PRKN: variants seen among roughly 807,000 people sequenced by gnomAD.
PRKN encodes E3 ubiquitin-protein ligase parkin.
Under a neutral mutation model 59.5 loss-of-function variants are expected in PRKN, and 56 were observed. The observed-to-expected ratio is 0.94, with a 90% CI of 0.76 to 1.18. The LOEUF is 1.18. Among genes scored for constraint, PRKN ranks in the 50% most tolerant of loss-of-function variants. PRKN has a pLI of 0.00. For synonymous variants in PRKN, 250 were observed against 222.1 expected (o/e 1.13, Z -1.12); for missense variants, 657 against 596.4 (o/e 1.10, Z -1.06).
intron 7 of PRKN, among the ~76,000 whole-genome samples, chr6:161,683,592 G>T (rs1187556340): frequency 6.6e-6 from 1 of 152,198 alleles, no homozygotes; most frequent in Non-Finnish European, 1.5e-5. Context: ...GGCAGCACCT[G>T]AACGCTTGTA....
intron 6 of PRKN, among the ~76,000 whole-genome samples, chr6:161,794,495 G>C (rs1449337852): frequency 6.6e-6 from 1 of 152,082 alleles, no homozygotes; most frequent in East Asian, 1.9e-4. Context: ...CAGCAACACT[G>C]TTCTAAAGAG....
chr6:162,184,544 C>T (rs949396300), intron 4 of PRKN, among the ~76,000 whole-genome samples: 1 of 152,166 alleles, frequency 6.6e-6, no homozygotes, highest in Non-Finnish European at 1.5e-5. Context: ...CATTTCTTCT[C>T]TCTCTTGCTG....
At chr6:162,445,689 TAAAAAAAAAAAAAAAAAAAAAAAAAA>T (rs71004091) in intron 1 of PRKN, among the ~76,000 whole-genome samples, 2 of 28,730 alleles carry the variant, frequency 7.0e-5, no homozygotes, top group African/African-American at 1.8e-4. Flanking sequence ...AGACCTTGTC[TAAAAAAAAAAAAAAAAAAAAAAAAAA>T]AAAAAAAAAA....
chr6:162,151,277 T>C (rs866386803), intron 4 of PRKN, among the ~76,000 whole-genome samples: 2 of 152,210 alleles, frequency 1.3e-5, no homozygotes, highest in Non-Finnish European at 2.9e-5. Flanking sequence ...TCTCAAGGTT[T>C]GGCTCCATCA....
chr6:161,712,606 G>A (rs1383642462), intron 7 of PRKN, among the ~76,000 whole-genome samples: 1 of 152,010 alleles, frequency 6.6e-6, no homozygotes, highest in Non-Finnish European at 1.5e-5. Flanking sequence ...ATATAAATCT[G>A]TTCCTTATTA....
intron 9 of PRKN, among the ~76,000 whole-genome samples, chr6:161,531,027 A>T (rs1430020730): frequency 6.6e-6 from 1 of 152,186 alleles, no homozygotes; most frequent in Non-Finnish European, 1.5e-5. Context: ...CCATCTGATA[A>T]TAATGTTTAT....
chr6:162,654,034 T>C (rs1002396347), intron 1 of PRKN, among the ~76,000 whole-genome samples: 1 of 152,196 alleles, frequency 6.6e-6, no homozygotes, highest in African/African-American at 2.4e-5. Context: ...GTAAGTGGTT[T>C]TGTATTTCAC....
intron 6 of PRKN, among the ~76,000 whole-genome samples, chr6:161,929,946 A>T (rs942864112): frequency 1.3e-5 from 2 of 152,236 alleles, no homozygotes. Context: ...ATAAACAAGG[A>T]AGGTGTTCCC....
chr6:161,837,292 T>C (rs1030526856), intron 6 of PRKN, among the ~76,000 whole-genome samples: 2 of 151,982 alleles, frequency 1.3e-5, no homozygotes, highest in Non-Finnish European at 2.9e-5. Flanking sequence ...GAATAAACAT[T>C]GAAGAGGAAA....
At chr6:162,681,538 T>C (rs1562492934) in intron 1 of PRKN, among the ~76,000 whole-genome samples, 1 of 152,070 alleles carries the variant, frequency 6.6e-6, no homozygotes, top group East Asian at 1.9e-4. Flanking sequence ...AATTTAAAGT[T>C]ACATAGGAGT....
chr6:162,472,331 T>A (rs1791787110), intron 1 of PRKN, among the ~76,000 whole-genome samples: 1 of 150,556 alleles, frequency 6.6e-6, no homozygotes, highest in Admixed American at 6.6e-5. Context: ...ATTAGGTATA[T>A]CTCCTAATGC....
intron 1 of PRKN, among the ~76,000 whole-genome samples, chr6:162,522,039 T>C (rs6935003): frequency 0.11 from 16,484 of 152,284 alleles, 1,040 homozygotes; most frequent in South Asian, 0.18. Context: ...CAGTTAATGC[T>C]TATTATCCTC....
At chr6:162,037,775 G>C (rs1562476768) in intron 5 of PRKN, among the ~76,000 whole-genome samples, 1 of 151,826 alleles carries the variant, frequency 6.6e-6, no homozygotes, top group Admixed American at 6.6e-5. Context: ...TCAATCTCTT[G>C]ACCTCGTGAT....
At chr6:162,537,688 T>C (rs2846469) in intron 1 of PRKN, among the ~76,000 whole-genome samples, 143,471 of 152,250 alleles carry the variant, frequency 0.94, 67,731 homozygotes, top group African/African-American at 0.97. Flanking sequence ...AGATGACTCC[T>C]GCAATCTTGT....
intron 7 of PRKN, among the ~76,000 whole-genome samples, chr6:161,632,963 G>T (rs1783372622): frequency 6.6e-6 from 1 of 152,182 alleles, no homozygotes; most frequent in South Asian, 2.1e-4. Flanking sequence ...TTTGGGTGGG[G>T]ACACAGTCAA....
chr6:162,511,459 A>G (rs1023195402), intron 1 of PRKN, among the ~76,000 whole-genome samples: 1 of 152,174 alleles, frequency 6.6e-6, no homozygotes, highest in Non-Finnish European at 1.5e-5. Flanking sequence ...AAATGTCTAC[A>G]GTGTTTTCCT....
At chr6:162,011,268 T>TAA (rs1488892202) in intron 5 of PRKN, among the ~76,000 whole-genome samples, 1 of 101,326 alleles carries the variant, frequency 9.9e-6, no homozygotes, top group African/African-American at 3.9e-5. Flanking sequence ...TATATATTTA[T>TAA]AATATATATT....
chr6:162,620,508 G>A (rs1441792953), intron 1 of PRKN, among the ~76,000 whole-genome samples: 1 of 152,170 alleles, frequency 6.6e-6, no homozygotes, highest in Non-Finnish European at 1.5e-5. Context: ...TAGATCCTTA[G>A]GGAAGGGATT....
At chr6:162,495,384 T>C (rs577944814) in intron 1 of PRKN, among the ~76,000 whole-genome samples, 50 of 152,274 alleles carry the variant, frequency 3.3e-4, no homozygotes, top group African/African-American at 1.2e-3. Flanking sequence ...TTTATTTCAG[T>C]CTCAAATATT....
Sources: gnomAD v4.1 joint callset for allele counts (sites outside exome capture counted in the v4.1 genomes callset) on GRCh38, gnomAD v4.1.1 for gene constraint, MANE v1.5 for transcripts, NCBI Gene and HGNC (gene_info 2026-07-23, HGNC 2026-07-21) for gene names.